The following GALNT10 variants were observed in gnomAD, a reference collection of about 807,000 sequenced individuals.
The protein encoded by GALNT10 is GalNAc transferase 10.
Under a neutral mutation model 75.0 loss-of-function variants are expected in GALNT10, and 41 were observed. The observed-to-expected ratio is 0.55, with a 90% confidence interval of 0.43 to 0.71. The LOEUF (loss-of-function observed/expected upper bound fraction) is 0.71. GALNT10 is among the 30% of genes least tolerant of loss of function. The pLI is 0.00. For missense variants in GALNT10, 727 were observed against 818.5 expected, an observed-to-expected ratio of 0.89 and a Z score of 1.36; for synonymous variants, 302 against 313.0, an observed-to-expected ratio of 0.96 and a Z score of 0.37.
At position 154,298,798 on chromosome 5, in the gene GALNT10, T is replaced by C. The variant is rs1754320454; in HGVS notation, c.401+719T>C. 6.6e-6 allele frequency among the ~76,000 whole-genome samples: 1 copy of C among 152,208 alleles called. No homozygotes were observed. Among genetic ancestry groups the C allele is most frequent in the African/African-American group, 2.4e-5 (1 of 41,450 alleles). On this transcript the variant is annotated intron_variant, in intron 3 of 11. Coordinates refer to ENST00000297107, the MANE Select transcript of GALNT10 (RefSeq NM_198321.4). The surrounding 1 kb of genome is among the most constrained non-coding windows in gnomAD (Gnocchi z 4.1). Reference sequence around the variant, plus strand: ...CATTGTGGTGATGATGGTGATTTTCTGGTAGAGCCGTTCTTAAATTTGAGG... The same window carrying C: ...CATTGTGGTGATGATGGTGATTTTCCGGTAGAGCCGTTCTTAAATTTGAGG...
chr5:154,289,731 C>G (rs1237459021), intron 1 of GALNT10, among the ~76,000 whole-genome samples: 2 of 152,190 alleles, frequency 1.3e-5, no homozygotes, highest in Admixed American at 6.5e-5. Context: ...TATCTGTAGA[C>G]ATTTTTACTT....
intron 7 of GALNT10, among the ~76,000 whole-genome samples, chr5:154,398,708 G>A (rs568618355): frequency 3.9e-5 from 6 of 152,312 alleles, no homozygotes; most frequent in African/African-American, 1.4e-4. Context: ...CACAGAATCT[G>A]GGTTGCAGAT....
chr5:154,415,708 A>G (rs1485496692), intron 10 of GALNT10, 75 bp from the exon 11 acceptor site: 1 of 1,319,462 alleles, frequency 7.6e-7, no homozygotes, highest in African/African-American at 2.3e-5. Flanking sequence ...AAATTTTTCC[A>G]TAATTTAAAA....
chr5:154,267,198 C>A (rs893002502), intron 1 of GALNT10, among the ~76,000 whole-genome samples: 3 of 152,084 alleles, frequency 2.0e-5, no homozygotes, highest in Admixed American at 6.5e-5. Flanking sequence ...GTGGTAAGTA[C>A]GATTTGCAAT....
At chr5:154,379,178 A>T (rs973534452) in intron 5 of GALNT10, among the ~76,000 whole-genome samples, 6 of 152,234 alleles carry the variant, frequency 3.9e-5, no homozygotes, top group African/African-American at 1.4e-4. Flanking sequence ...TACCTTGGGC[A>T]TCTCAATCCA....
intron 7 of GALNT10, among the ~76,000 whole-genome samples, chr5:154,401,307 C>A (rs1338743380): frequency 6.6e-6 from 1 of 152,236 alleles, no homozygotes; most frequent in Non-Finnish European, 1.5e-5. Context: ...TGGATGCCGA[C>A]CTGATCAACT....
At chr5:154,361,061 T>A (rs949258111) in intron 4 of GALNT10, among the ~76,000 whole-genome samples, 3 of 152,156 alleles carry the variant, frequency 2.0e-5, no homozygotes, top group Non-Finnish European at 4.4e-5. Context: ...TAATTCCCTG[T>A]GTACTCAGAT....
At chr5:154,205,461 C>T (rs1476230160) in intron 1 of GALNT10, among the ~76,000 whole-genome samples, 1 of 152,168 alleles carries the variant, frequency 6.6e-6, no homozygotes, top group Non-Finnish European at 1.5e-5. Flanking sequence ...CTAGAGGGAG[C>T]GTCTTAAGGA....
rs571584299 is a variant in GALNT10 at position 154,244,420 on chromosome 5, T to TA, written c.160-50386dup. Among the ~76,000 whole-genome samples, 652 of 148,726 alleles carry TA rather than the reference T, an allele frequency of 4.4e-3. 1 individual carries two copies. The highest frequency in any genetic ancestry group is 6.4e-3 in the Non-Finnish European group (425 of 66,880). ...TGTCTCTAAAAAATTTTTTTTTAAT[T>TA]AAAAAAAAAAGAATTATTTCAACCT... On this transcript the variant is annotated intron_variant, in intron 1 of 11. Transcript: ENST00000297107.
chr5:154,197,862 G>C (rs1581914250), intron 1 of GALNT10, among the ~76,000 whole-genome samples: 1 of 152,306 alleles, frequency 6.6e-6, no homozygotes, highest in Non-Finnish European at 1.5e-5. Flanking sequence ...GCTTGCCCAA[G>C]GATGCACAGC....
At chr5:154,237,686 G>A (rs990648527) in intron 1 of GALNT10, among the ~76,000 whole-genome samples, 3 of 152,182 alleles carry the variant, frequency 2.0e-5, no homozygotes, top group African/African-American at 7.2e-5. Context: ...GAGGAGCCCT[G>A]GCCAAGCATT....
At chr5:154,368,631 C>T (rs895548594) in intron 4 of GALNT10, among the ~76,000 whole-genome samples, 1 of 152,174 alleles carries the variant, frequency 6.6e-6, no homozygotes, top group Admixed American at 6.5e-5. Flanking sequence ...CTCTAAAATT[C>T]CTCCTGGGGC....
intron 3 of GALNT10, among the ~76,000 whole-genome samples, chr5:154,302,820 C>T (rs953869273): frequency 2.0e-5 from 3 of 152,094 alleles, no homozygotes; most frequent in East Asian, 1.9e-4. Flanking sequence ...CTCAAAAGAA[C>T]TTATAAGCTC....
intron 1 of GALNT10, among the ~76,000 whole-genome samples, chr5:154,283,985 C>T (rs1047441189): frequency 6.6e-6 from 1 of 152,184 alleles, no homozygotes; most frequent in Non-Finnish European, 1.5e-5. Flanking sequence ...AAGGATATTA[C>T]AATAGGTTGG....
Position 154,416,151 on chromosome 5 carries a change from A to G in GALNT10, c.1653+219A>G, listed in dbSNP as rs1756503301. 6.6e-6 allele frequency among the ~76,000 whole-genome samples: 1 copy of G among 152,188 alleles called. No individual in the cohort carries two copies. Among genetic ancestry groups the G allele is most frequent in the Admixed American group, 6.5e-5 (1 of 15,280 alleles). On this transcript the variant is annotated intron_variant, in intron 11 of 11. Transcript: ENST00000297107. The surrounding 1 kb of genome is among the most constrained non-coding windows in gnomAD (Gnocchi z 4.5). ...TGGCAACTGATTCCATTTAAAAAGA[A>G]AAGTGCAGCCGGGCACAGTGGCTCA...
intron 3 of GALNT10, among the ~76,000 whole-genome samples, chr5:154,320,279 G>C (rs1356845861): frequency 6.6e-6 from 1 of 152,174 alleles, no homozygotes; most frequent in African/African-American, 2.4e-5. Context: ...TTAATTCCAT[G>C]ATTGAATTAA....
chr5:154,291,413 CG>C (rs1561651911), intron 1 of GALNT10, among the ~76,000 whole-genome samples: 1 of 152,148 alleles, frequency 6.6e-6, no homozygotes, highest in Non-Finnish European at 1.5e-5. Context: ...TCTCAGGCCC[CG>C]CCCTAGACCT....
At chr5:154,259,700 G>T (rs557652528) in intron 1 of GALNT10, among the ~76,000 whole-genome samples, 1 of 152,136 alleles carries the variant, frequency 6.6e-6, no homozygotes, top group Admixed American at 6.5e-5. Flanking sequence ...GTGGAATGCT[G>T]GTTGAAAATC....
At chr5:154,348,901 T>A (rs1755166791) in intron 4 of GALNT10, among the ~76,000 whole-genome samples, 1 of 152,200 alleles carries the variant, frequency 6.6e-6, no homozygotes, top group South Asian at 2.1e-4. Context: ...TCTTGTCACC[T>A]CCAGTGTGTC....
Sources: allele counts gnomAD v4.1 joint callset (sites outside exome capture counted in the v4.1 genomes callset), GRCh38; gene constraint gnomAD v4.1.1; non-coding constraint Gnocchi (gnomAD v3.1); transcripts MANE v1.5; gene names NCBI Gene and HGNC (gene_info 2026-07-23, HGNC 2026-07-21).